The following CDKAL1 variants were observed in gnomAD, a reference collection of about 807,000 sequenced individuals.
The protein encoded by CDKAL1 is threonylcarbamoyladenosine tRNA methylthiotransferase.
Under a neutral mutation model 68.2 loss-of-function variants are expected in CDKAL1, and 32 were observed. That is an observed-to-expected ratio of 0.47 (90% CI 0.35 to 0.63). CDKAL1 has a LOEUF of 0.63. CDKAL1 is among the 30% of genes least tolerant of loss of function. CDKAL1 has a pLI of 0.00. For missense variants in CDKAL1, 606 were observed against 696.7 expected, an observed-to-expected ratio of 0.87 and a Z score of 1.47; for synonymous variants, 234 against 244.3, an observed-to-expected ratio of 0.96 and a Z score of 0.39.
intron 4 of CDKAL1, among the ~76,000 whole-genome samples, chr6:20,594,855 A>AC (rs1765751310): frequency 6.6e-6 from 1 of 152,042 alleles, no homozygotes; most frequent in Admixed American, 6.6e-5. Flanking sequence ...TCATTCAGGA[A>AC]CTCTAGTAAG....
intron 15 of CDKAL1, among the ~76,000 whole-genome samples, chr6:21,217,615 A>G (rs1779389007): frequency 6.6e-6 from 1 of 152,082 alleles, no homozygotes. Context: ...CTCCTGCCTC[A>G]GCCTCCCAAG....
chr6:21,037,893 A>G (rs1469956128), intron 11 of CDKAL1, among the ~76,000 whole-genome samples: 2 of 152,204 alleles, frequency 1.3e-5, no homozygotes, highest in Non-Finnish European at 2.9e-5. Context: ...ATCTCAATAA[A>G]TATTATTTAT....
At chr6:21,033,530 A>T (rs77161234) in intron 11 of CDKAL1, among the ~76,000 whole-genome samples, 2,733 of 152,194 alleles carry the variant, frequency 0.018, 85 homozygotes, top group African/African-American at 0.062. Flanking sequence ...CCTGGAGAGG[A>T]GGATGGGAAG....
intron 15 of CDKAL1, among the ~76,000 whole-genome samples, chr6:21,225,325 G>A (rs936322003): frequency 1.3e-5 from 2 of 152,112 alleles, no homozygotes; most frequent in Non-Finnish European, 2.9e-5. Flanking sequence ...GCACTCCACC[G>A]GCTTTACCAT....
chr6:20,672,933 T>C (rs1453602280), intron 5 of CDKAL1, among the ~76,000 whole-genome samples: 1 of 152,012 alleles, frequency 6.6e-6, no homozygotes, highest in Non-Finnish European at 1.5e-5. Context: ...CGAGCTACCA[T>C]GCCCAGCTAA....
chr6:21,169,928 C>CCCA (rs374788822), intron 13 of CDKAL1, among the ~76,000 whole-genome samples: 2 of 133,604 alleles, frequency 1.5e-5, no homozygotes, highest in Admixed American at 8.2e-5. Context: ...AAGACCCCCC[C>CCCA]CACCCCATGA....
chr6:21,088,586 A>G (rs1772826842), intron 12 of CDKAL1, among the ~76,000 whole-genome samples: 4 of 152,216 alleles, frequency 2.6e-5, no homozygotes, highest in Non-Finnish European at 5.9e-5. Flanking sequence ...ATTAATTAAT[A>G]CTTGGCTTCA....
At chr6:21,059,609 C>G (rs1356743526) in intron 11 of CDKAL1, among the ~76,000 whole-genome samples, 1 of 152,138 alleles carries the variant, frequency 6.6e-6, no homozygotes, top group Non-Finnish European at 1.5e-5. Flanking sequence ...TCCTCACTCT[C>G]AGTGGGTTGC....
intron 6 of CDKAL1, among the ~76,000 whole-genome samples, chr6:20,744,616 A>C (rs1773590214): frequency 6.6e-6 from 1 of 152,100 alleles, no homozygotes; most frequent in African/African-American, 2.4e-5. Flanking sequence ...ATTTCTCTTT[A>C]AGGCTCAGAT....
chr6:21,224,427 T>C (rs543784939), intron 15 of CDKAL1, among the ~76,000 whole-genome samples: 4 of 152,220 alleles, frequency 2.6e-5, no homozygotes, highest in East Asian at 3.9e-4. Flanking sequence ...AACAGGAGAA[T>C]TGCCTGAACC....
At chr6:20,844,717 CAA>C (rs768196684) in intron 8 of CDKAL1, among the ~76,000 whole-genome samples, 1 of 146,668 alleles carries the variant, frequency 6.8e-6, no homozygotes, top group African/African-American at 2.5e-5. Flanking sequence ...AAAACAAAAA[CAA>C]AAAAAAGAAA....
chr6:20,841,859 A>G (rs1390697882), intron 8 of CDKAL1, among the ~76,000 whole-genome samples: 2 of 152,250 alleles, frequency 1.3e-5, no homozygotes, highest in African/African-American at 4.8e-5. Flanking sequence ...GTCTCTGGCC[A>G]TGTAACAACC....
At chr6:21,143,308 G>T (rs1052771015) in intron 13 of CDKAL1, among the ~76,000 whole-genome samples, 1 of 152,094 alleles carries the variant, frequency 6.6e-6, no homozygotes, top group Non-Finnish European at 1.5e-5. Flanking sequence ...TTCTCTCAAC[G>T]TTTCTCTAGT....
chr6:20,734,863 C>CTTTTTTT (rs34104100), intron 5 of CDKAL1, among the ~76,000 whole-genome samples: 36 of 87,708 alleles, frequency 4.1e-4, no homozygotes, highest in Admixed American at 6.1e-4. Flanking sequence ...TGCTGCACCT[C>CTTTTTTT]TTTTTTTTTT....
At chr6:20,899,897 A>G (rs1387820108) in intron 9 of CDKAL1, among the ~76,000 whole-genome samples, 5 of 152,218 alleles carry the variant, frequency 3.3e-5, no homozygotes, top group African/African-American at 7.2e-5. Flanking sequence ...TGCTACTATT[A>G]TCCTCATTTT....
At chr6:20,918,438 C>T (rs576428332) in intron 9 of CDKAL1, among the ~76,000 whole-genome samples, 8 of 152,184 alleles carry the variant, frequency 5.3e-5, no homozygotes, top group African/African-American at 1.9e-4. Flanking sequence ...CCTTGAATTT[C>T]GTTAGAAGAT....
At chr6:20,612,368 C>T (rs1219936924) in intron 4 of CDKAL1, among the ~76,000 whole-genome samples, 1 of 152,158 alleles carries the variant, frequency 6.6e-6, no homozygotes, top group African/African-American at 2.4e-5. Flanking sequence ...ACATTACCAC[C>T]AACAGTGAAC....
chr6:20,819,693 A>G (rs1249810524), intron 8 of CDKAL1, among the ~76,000 whole-genome samples: 3 of 152,142 alleles, frequency 2.0e-5, no homozygotes, highest in South Asian at 2.1e-4. Flanking sequence ...GTGCTTTTCT[A>G]TACTTCGAAA....
intron 4 of CDKAL1, among the ~76,000 whole-genome samples, chr6:20,567,733 A>G (rs1010798534): frequency 1.3e-5 from 2 of 152,038 alleles, no homozygotes; most frequent in African/African-American, 4.8e-5. Flanking sequence ...TTTAATTTAG[A>G]GACGAGGTTT....
Sources: gnomAD v4.1 joint callset for allele counts (sites outside exome capture counted in the v4.1 genomes callset) on GRCh38, gnomAD v4.1.1 for gene constraint, MANE v1.5 for transcripts, NCBI Gene and HGNC (gene_info 2026-07-23, HGNC 2026-07-21) for gene names.